TRPS1: variants seen among roughly 807,000 people sequenced by gnomAD.
The protein encoded by TRPS1 is transcriptional repressor GATA binding 1.
Under a neutral mutation model 101.2 loss-of-function variants are expected in TRPS1, and 6 were observed. That is an observed-to-expected ratio of 0.06 (90% CI 0.03 to 0.12). TRPS1 has a LOEUF of 0.12. Among genes scored for constraint, TRPS1 ranks in the 10% least tolerant of loss-of-function variants. The pLI is 1.00. For synonymous variants in TRPS1, 578 were observed against 589.8 expected, an observed-to-expected ratio of 0.98 and a Z score of 0.29; for missense variants, 1,363 against 1,567.0, an observed-to-expected ratio of 0.87 and a Z score of 2.20.
intron 6 of TRPS1, among the ~76,000 whole-genome samples, chr8:115,417,590 A>G (rs1212971590): frequency 6.6e-6 from 1 of 152,190 alleles, no homozygotes; most frequent in Non-Finnish European, 1.5e-5. Flanking sequence ...AGTCAAATCC[A>G]TATTCAGATG....
At chr8:115,558,734 T>C (rs1816881905) in intron 5 of TRPS1, among the ~76,000 whole-genome samples, 1 of 152,194 alleles carries the variant, frequency 6.6e-6, no homozygotes, top group Non-Finnish European at 1.5e-5. Flanking sequence ...AACATAGTTT[T>C]ATGACAAATT....
intron 5 of TRPS1, among the ~76,000 whole-genome samples, chr8:115,564,535 C>T (rs562739787): frequency 6.6e-6 from 1 of 152,194 alleles, no homozygotes; most frequent in South Asian, 2.1e-4. Flanking sequence ...AATGACAATT[C>T]TATGTCATGT....
chr8:115,603,563 G>A (rs1252223336), intron 4 of TRPS1, among the ~76,000 whole-genome samples: 3 of 152,166 alleles, frequency 2.0e-5, no homozygotes, highest in Admixed American at 6.5e-5. Flanking sequence ...AATGGACTAC[G>A]GTAAATTAGT....
rs968460685 is a variant in TRPS1 at position 115,412,301 on chromosome 8, T to C, written c.*1722A>G. The C allele has an allele frequency of 5.3e-4, 81 of 152,474 alleles. 1 individual carries two copies. The highest frequency in any genetic ancestry group is 2.2e-4 in the Non-Finnish European group (15 of 67,968). 9.4% of individuals were successfully genotyped at this position (152,474 alleles called of 1,614,324 possible). ...ATAGCAAGAACTTTCATTTGTTTCA[T>C]GTTACCGTTTACAACTTTAATGCAC... On this transcript the variant is annotated 3_prime_UTR_variant, in exon 7 of 7. Transcript: ENST00000395715.
At position 115,410,971 on chromosome 8, in the gene TRPS1, TA is replaced by T. The variant is rs1487011350; in HGVS notation, c.*3051del. 2 of 151,682 alleles carry T rather than the reference TA, an allele frequency of 1.3e-5. No homozygotes were observed. The highest frequency in any genetic ancestry group is 2.9e-5 in the Non-Finnish European group (2 of 67,898). The allele number at this position is 151,682 out of a possible 1,614,324, so 9.4% of individuals were successfully genotyped here. ...ATAAAATAATTCAGAAATCTTAAAT[TA>T]AAAAAATAAATTTTATAATATATCT... On this transcript the variant is annotated 3_prime_UTR_variant, in exon 7 of 7. Coordinates refer to ENST00000395715, the MANE Select transcript of TRPS1 (RefSeq NM_014112.5).
At chr8:115,514,715 C>T (rs1815668253) in intron 5 of TRPS1, among the ~76,000 whole-genome samples, 1 of 151,352 alleles carries the variant, frequency 6.6e-6, no homozygotes, top group African/African-American at 2.4e-5. Flanking sequence ...TTGCAGTGAA[C>T]TATTACATGA....
chr8:115,665,421 G>A (rs932078695), intron 1 of TRPS1, among the ~76,000 whole-genome samples: 3 of 152,072 alleles, frequency 2.0e-5, no homozygotes, highest in Non-Finnish European at 2.9e-5. Context: ...TACTAGAATC[G>A]TAAAAGCTGC....
At chr8:115,505,854 T>C (rs1014518979) in intron 5 of TRPS1, among the ~76,000 whole-genome samples, 1 of 152,114 alleles carries the variant, frequency 6.6e-6, no homozygotes, top group African/African-American at 2.4e-5. Flanking sequence ...CTGAAAAGCT[T>C]ACAAATTTTT....
chr8:115,641,748 C>T (rs941442892), intron 1 of TRPS1, among the ~76,000 whole-genome samples: 9 of 152,196 alleles, frequency 5.9e-5, no homozygotes, highest in African/African-American at 1.4e-4. Context: ...AGCATGGTGG[C>T]GCATGCCTGT....
intron 5 of TRPS1, among the ~76,000 whole-genome samples, chr8:115,469,461 C>G (rs1011990073): frequency 2.0e-5 from 3 of 152,078 alleles, no homozygotes; most frequent in African/African-American, 7.2e-5. Context: ...ATAATTGCTT[C>G]TTCTCAAAGA....
At chr8:115,661,386 C>T (rs1050792357) in intron 1 of TRPS1, among the ~76,000 whole-genome samples, 2 of 152,030 alleles carry the variant, frequency 1.3e-5, no homozygotes, top group African/African-American at 2.4e-5. Flanking sequence ...TATCGGTCTA[C>T]ATACATTCCA....
chr8:115,494,965 A>C (rs931753477), intron 5 of TRPS1, among the ~76,000 whole-genome samples: 8 of 152,272 alleles, frequency 5.3e-5, no homozygotes, highest in African/African-American at 1.9e-4. Context: ...GCATGTTTTG[A>C]CACAGCAGTG....
intron 5 of TRPS1, among the ~76,000 whole-genome samples, chr8:115,507,824 A>G (rs1815484651): frequency 6.6e-6 from 1 of 152,078 alleles, no homozygotes; most frequent in Non-Finnish European, 1.5e-5. Context: ...ACTATTATAT[A>G]GGTCTGGCCC....
intron 5 of TRPS1, among the ~76,000 whole-genome samples, chr8:115,427,974 C>G (rs557265728): frequency 2.0e-5 from 3 of 152,306 alleles, no homozygotes; most frequent in African/African-American, 7.2e-5. Context: ...CTTAGCCTCT[C>G]ATAGCGCCTG....
At chr8:115,596,868 A>G (rs560549982) in intron 4 of TRPS1, among the ~76,000 whole-genome samples, 39 of 151,986 alleles carry the variant, frequency 2.6e-4, no homozygotes, top group African/African-American at 7.9e-4. Context: ...TATCTTTTGA[A>G]TTTATATAAA....
chr8:115,499,326 C>T (rs1328502932), intron 5 of TRPS1, among the ~76,000 whole-genome samples: 1 of 152,096 alleles, frequency 6.6e-6, no homozygotes, highest in East Asian at 1.9e-4. Context: ...AAATATTGTG[C>T]TTCTTTAGAA....
intron 5 of TRPS1, among the ~76,000 whole-genome samples, chr8:115,479,462 CTT>C (rs1049010522): frequency 3.9e-5 from 6 of 152,048 alleles, no homozygotes; most frequent in African/African-American, 1.4e-4. Context: ...TGAAACAAAA[CTT>C]ATTTTCCCTA....
At chr8:115,531,233 G>C (rs1482353841) in intron 5 of TRPS1, among the ~76,000 whole-genome samples, 3 of 152,142 alleles carry the variant, frequency 2.0e-5, no homozygotes, top group Admixed American at 2.0e-4. Context: ...GGAAACATCA[G>C]GCAGACTGAA....
intron 5 of TRPS1, among the ~76,000 whole-genome samples, chr8:115,486,789 T>C (rs1048495691): frequency 1.3e-5 from 2 of 152,138 alleles, no homozygotes; most frequent in African/African-American, 4.8e-5. Context: ...AATCTTAATC[T>C]AGCAGAGGTT....
Sources: allele counts gnomAD v4.1 joint callset (sites outside exome capture counted in the v4.1 genomes callset), GRCh38; gene constraint gnomAD v4.1.1; transcripts MANE v1.5; gene names NCBI Gene and HGNC (gene_info 2026-07-23, HGNC 2026-07-21).